Variants in STK35 observed in about 807,000 individuals in gnomAD.
STK35 encodes the protein serine/threonine-protein kinase 35.
STK35 carries 17 observed loss-of-function variants against 37.3 expected under a neutral mutation model. The ratio of observed to expected loss-of-function variants is 0.46; its 90% CI spans 0.31 to 0.68. STK35 has a LOEUF of 0.68. STK35 is among the 30% of genes least tolerant of loss of function. STK35 has a pLI of 0.05. For missense variants in STK35, 595 were observed against 746.7 expected, an observed-to-expected ratio of 0.80 and a Z score of 2.37; for synonymous variants, 385 against 319.1, an observed-to-expected ratio of 1.21 and a Z score of -2.20.
In STK35 at chr20:2,102,911, A is replaced by G; in HGVS notation, c.438A>G (p.Gln146=). ...TGKDGARRGT[Q]SPERKRRSPV... is the part of the protein sequence containing the mutation. ...AGGACGGCGCCCGCAGAGGTACACA[A>G]AGCCCGGAGCGGAAAAGGCGAAGCC... The change falls in exon 2 of 4, where the codon CAA becomes CAG. Residue 146 remains glutamine (Q), a synonymous_variant. Transcript: ENST00000381482. The G allele has an allele frequency of 3.8e-6, 6 of 1,559,704 alleles. No individual in the cohort carries two copies. The highest frequency in any genetic ancestry group is 5.2e-6 in the Non-Finnish European group (6 of 1,161,442).
chr20:2,133,189 G>A (rs768210137), intron 3 of STK35, among the ~76,000 whole-genome samples: 1 of 152,100 alleles, frequency 6.6e-6, no homozygotes, highest in Non-Finnish European at 1.5e-5. Context: ...TGACCTTCTT[G>A]GCATCTTTCT....
chr20:2,103,068 C>A lies in STK35; in HGVS notation c.595C>A (p.Arg199=). 6.3e-7 allele frequency: 1 copy of A among 1,577,850 alleles called. No individual in the cohort carries two copies. ...GCCTGAGGGCGGTGGCGGGTCCGCG[C>A]GGCCGCGTTACAGCCTGTTGGCGGA... is the stretch of plus-strand genomic sequence containing the variant. ...RRPEGGGGSA[R]PRYSLLAEIG... is the part of the protein sequence containing the mutation. Residue 199 remains arginine, a synonymous_variant, in exon 2 of 4, where the codon CGG becomes AGG. Coordinates refer to ENST00000381482, the MANE Select transcript of STK35 (RefSeq NM_080836.4).
chr20:2,103,256 C>T lies in STK35; in HGVS notation c.783C>T (p.Val261=). 6.2e-7 allele frequency: 1 copy of T among 1,613,322 alleles called. No individual in the cohort carries two copies. Among genetic ancestry groups the T allele is most frequent in the Non-Finnish European group, 8.5e-7 (1 of 1,179,914 alleles). ...GCCTCAAGCGGCGCCACCAGAACGT[C>T]GTGCAGTTTGAGGAGTGCGTCCTGC... is the stretch of plus-strand genomic sequence containing the variant. ...LTSLKRRHQN[V]VQFEECVLQR... is the part of the protein sequence containing the mutation. The change falls in exon 2 of 4, where the codon GTC becomes GTT. Residue 261 remains valine, a synonymous_variant. Transcript: ENST00000381482.
chr20:2,142,107 T>G (rs1412429472), intron 3 of STK35, among the ~76,000 whole-genome samples: 1 of 152,166 alleles, frequency 6.6e-6, no homozygotes. Context: ...AGAAACACTT[T>G]CAGTGGTTGC....
At chr20:2,108,985 T>C (rs899407617) in intron 2 of STK35, among the ~76,000 whole-genome samples, 1 of 152,206 alleles carries the variant, frequency 6.6e-6, no homozygotes, top group Non-Finnish European at 1.5e-5. Context: ...ACTTTCTGTG[T>C]TCTTTCTCTT....
At chr20:2,122,311 G>T (rs1036604825) in intron 3 of STK35, among the ~76,000 whole-genome samples, 1 of 152,098 alleles carries the variant, frequency 6.6e-6, no homozygotes, top group Admixed American at 6.5e-5. Flanking sequence ...CAGCCTGGGC[G>T]CCAGAGAGGG....
intron 2 of STK35, among the ~76,000 whole-genome samples, chr20:2,107,413 G>A (rs1985536489): frequency 6.6e-6 from 1 of 152,206 alleles, no homozygotes; most frequent in South Asian, 2.1e-4. Context: ...GCCTTTAGGT[G>A]GCTGGGAACC....
Position 2,140,620 on chromosome 20 carries a change from T to C in STK35, c.*38-3164T>C, listed in dbSNP as rs541352340. On this transcript the variant is annotated intron_variant, in intron 3 of 3. Coordinates refer to ENST00000381482, the MANE Select transcript of STK35 (RefSeq NM_080836.4). ...TCTCCCCAGTAGAGAGCCCTCTTAT[T>C]TTCCTTCTTTGTGCCCACAAGAGAG... Among the ~76,000 whole-genome samples, 74 of 152,312 alleles carry C rather than the reference T, an allele frequency of 4.9e-4. No individual in the cohort carries two copies. In the Middle Eastern group the frequency reaches 0.01, roughly 21 times the overall value.
chr20:2,134,884 C>G (rs1256302724), intron 3 of STK35, among the ~76,000 whole-genome samples: 1 of 151,756 alleles, frequency 6.6e-6, no homozygotes, highest in Non-Finnish European at 1.5e-5. Flanking sequence ...GAGTGAGACT[C>G]TGTGTCAAAA....
In STK35 at chr20:2,144,223, A is replaced by G. The variant is rs1357769716; in HGVS notation, c.*477A>G. 3.8e-6 allele frequency: 1 copy of G among 259,828 alleles called. No homozygotes were observed. The highest frequency in any genetic ancestry group is 7.4e-6 in the Non-Finnish European group (1 of 134,722). 16.1% of individuals were successfully genotyped at this position (259,828 alleles called of 1,614,324 possible). A position where few individuals can be genotyped will look rare whatever the true frequency, so the allele number is the denominator to read the frequency against. Reference sequence around the variant, plus strand: ...TTCCCTAGAGAAGGCCTGCCTCCCCATAGGGAATCTGGGGGTTTCTTCTGG... The same window carrying G: ...TTCCCTAGAGAAGGCCTGCCTCCCCGTAGGGAATCTGGGGGTTTCTTCTGG... On this transcript the variant is annotated 3_prime_UTR_variant, in exon 4 of 4. Coordinates refer to ENST00000381482, the MANE Select transcript of STK35 (RefSeq NM_080836.4).
chr20:2,134,866 G>A (rs1299970668), intron 3 of STK35, among the ~76,000 whole-genome samples: 1 of 152,058 alleles, frequency 6.6e-6, no homozygotes, highest in East Asian at 1.9e-4. Context: ...ACTCCAGCCT[G>A]GGCAACAGAG....
chr20:2,103,929 A>C (rs1162390549), intron 2 of STK35, among the ~76,000 whole-genome samples: 1 of 151,946 alleles, frequency 6.6e-6, no homozygotes, highest in African/African-American at 2.4e-5. Context: ...GAGCAAACTG[A>C]CTGTCTTCTG....
intron 3 of STK35, among the ~76,000 whole-genome samples, chr20:2,141,934 A>G (rs1027328785): frequency 2.6e-5 from 4 of 152,200 alleles, no homozygotes; most frequent in Non-Finnish European, 5.9e-5. Flanking sequence ...TTATCCATAA[A>G]GTTCTTTTCA....
At chr20:2,126,656 G>A (rs951906535) in intron 3 of STK35, among the ~76,000 whole-genome samples, 8 of 152,140 alleles carry the variant, frequency 5.3e-5, no homozygotes, top group African/African-American at 1.7e-4. Flanking sequence ...TAGTGAGTCC[G>A]CTGTGATATT....
At position 2,117,466 on chromosome 20, in the gene STK35, C is replaced by CAAA; in HGVS notation, c.*37+52_*37+53insAAA. 3.6e-6 allele frequency: 4 copies of CAAA among 1,106,030 alleles called. No homozygotes were observed. The highest frequency in any genetic ancestry group is 5.1e-6 in the Non-Finnish European group (4 of 777,490). 68.5% of individuals were successfully genotyped at this position (1,106,030 alleles called of 1,614,324 possible). A position where few individuals can be genotyped will look rare whatever the true frequency, so the allele number is the denominator to read the frequency against. On this transcript the variant is annotated intron_variant, in intron 3 of 3. Coordinates refer to ENST00000381482, the MANE Select transcript of STK35 (RefSeq NM_080836.4). The surrounding 1 kb of genome is among the most constrained non-coding windows in gnomAD (Gnocchi z 4.4). ...TGTTTTTTGTTTTGAGACAGGGTCT[C>CAAA]ACTCTGTTGGTCAGGCTGGGGTGCA...
rs1986244490 is a variant in STK35 at position 2,145,370 on chromosome 20, G to T, written c.*1624G>T. On this transcript the variant is annotated 3_prime_UTR_variant, in exon 4 of 4. Coordinates refer to ENST00000381482, the MANE Select transcript of STK35 (RefSeq NM_080836.4). ...TTCTGTTTCACCTAAACCAGCATAG[G>T]ATTGATAGGGGAGACGGTTGGCGGG... The T allele has an allele frequency of 6.6e-6, 1 of 151,798 alleles. No homozygotes were observed. Among genetic ancestry groups the T allele is most frequent in the African/African-American group, 2.4e-5 (1 of 41,272 alleles). 9.4% of individuals were successfully genotyped at this position (151,798 alleles called of 1,614,324 possible).
intron 3 of STK35, among the ~76,000 whole-genome samples, chr20:2,132,748 A>T (rs932030556): frequency 3.9e-5 from 6 of 152,254 alleles, no homozygotes; most frequent in African/African-American, 7.2e-5. Context: ...GTGTCAAGAC[A>T]TCAACAGACT....
At chr20:2,129,774 T>C (rs891097591) in intron 3 of STK35, among the ~76,000 whole-genome samples, 1 of 151,920 alleles carries the variant, frequency 6.6e-6, no homozygotes. Context: ...GGAGGTGGCA[T>C]TGAAGCCGAG....
intron 2 of STK35, among the ~76,000 whole-genome samples, chr20:2,105,217 C>T (rs1248391320): frequency 6.6e-6 from 1 of 151,824 alleles, no homozygotes; most frequent in African/African-American, 2.4e-5. Flanking sequence ...TCTAGGAGCG[C>T]ATCACTTACT....
Sources: allele counts gnomAD v4.1 joint callset (sites outside exome capture counted in the v4.1 genomes callset), GRCh38; gene constraint gnomAD v4.1.1; non-coding constraint Gnocchi (gnomAD v3.1); transcripts MANE v1.5; gene names NCBI Gene and HGNC (gene_info 2026-07-23, HGNC 2026-07-21).